MTA1: variants seen among roughly 807,000 people sequenced by gnomAD.
The protein encoded by MTA1 is metastasis-associated protein MTA1.
A neutral mutation model predicts 97.0 loss-of-function variants in MTA1; 15 were observed. The observed-to-expected ratio is 0.15, with a 90% CI of 0.10 to 0.24. MTA1 has a LOEUF of 0.24. Among genes scored for constraint, MTA1 ranks in the 10% least tolerant of loss-of-function variants. The pLI, the probability that MTA1 is intolerant of heterozygous loss-of-function variation, is 1.00. For missense variants in MTA1, 709 were observed against 1,015.1 expected (o/e 0.70, Z 4.10); for synonymous variants, 435 against 417.5 (o/e 1.04, Z -0.51).
intron 13 of MTA1, 95 bp from the exon 14 acceptor site, chr14:105,464,321 C>A: frequency 4.4e-6 from 4 of 903,586 alleles, no homozygotes; most frequent in East Asian, 5.8e-5. Context: ...GGGTGCCTGG[C>A]GGGTGGGGGC....
chr14:105,470,278 A>AGCCC lies in MTA1; in HGVS notation c.*67_*70dup. On this transcript the variant is annotated 3_prime_UTR_variant, in exon 21 of 21. Coordinates refer to ENST00000331320, the MANE Select transcript of MTA1 (RefSeq NM_004689.4). ...CCGCCCACACGGCCCCTTCCCAGCC[A>AGCCC]GCCCGCCGCCCGCCCCTCAGTTTGG... The AGCCC allele has an allele frequency of 1.7e-6, 2 of 1,180,592 alleles. No individual in the cohort carries two copies. Among genetic ancestry groups the AGCCC allele is most frequent in the African/African-American group, 2.9e-5 (1 of 34,444 alleles). 73.1% of individuals were successfully genotyped at this position (1,180,592 alleles called of 1,614,324 possible).
chr14:105,460,679 C>A lies in MTA1; in HGVS notation c.754-86C>A, dbSNP rs868948548. Reference sequence around the variant, plus strand: ...GCTGCTGGGCCTGCAGTAGGGGATCCTTGAGGTACTGAGGGAGGGGGTACC... The same window carrying A: ...GCTGCTGGGCCTGCAGTAGGGGATCATTGAGGTACTGAGGGAGGGGGTACC... On this transcript the variant is annotated intron_variant, in intron 9 of 20. Coordinates refer to ENST00000331320, the MANE Select transcript of MTA1 (RefSeq NM_004689.4). 4.3e-6 allele frequency: 6 copies of A among 1,396,874 alleles called. No homozygotes were observed. In the Middle Eastern group the frequency reaches 9.4e-4, roughly 220 times the overall value. 86.5% of individuals were successfully genotyped at this position (1,396,874 alleles called of 1,614,324 possible). A position where few individuals can be genotyped will look rare whatever the true frequency, so the allele number is the denominator to read the frequency against.
chr14:105,470,004 C>T lies in MTA1; in HGVS notation c.1997+12C>T, dbSNP rs1199316881. The stretch of plus-strand genomic sequence containing the variant: ...ACAGAGGAGACCAGGTGGGGCCTTC[C>T]CAGGGCAGGCGGGAGGGCTCCGCAC... On this transcript the variant is annotated intron_variant, in intron 20 of 20. Transcript: ENST00000331320. 1.9e-5 allele frequency: 30 copies of T among 1,612,344 alleles called. No individual in the cohort carries two copies. Among genetic ancestry groups the T allele is most frequent in the Non-Finnish European group, 2.3e-5 (27 of 1,179,826 alleles).
Position 105,460,791 on chromosome 14 carries a change from G to A in MTA1, c.780G>A (p.Lys260=). 6.2e-7 allele frequency: 1 copy of A among 1,601,828 alleles called. No homozygotes were observed. The highest frequency in any genetic ancestry group is 1.1e-5 in the South Asian group (1 of 89,820). Residue 260 remains lysine (K), a synonymous_variant, in exon 10 of 21, where the codon AAG becomes AAA. Coordinates refer to ENST00000331320, the MANE Select transcript of MTA1 (RefSeq NM_004689.4). ...TCCACGCCATGGATACTCTCCACAAGAACATCTACGACATCTCCAAGGCCA... is the reference window on the plus strand; with the variant it reads ...TCCACGCCATGGATACTCTCCACAAAAACATCTACGACATCTCCAAGGCCA... The part of the protein sequence containing the change: ...TLFHAMDTLH[K]NIYDISKAIS...
At chr14:105,460,684 G>A in intron 9 of MTA1, 81 bp from the exon 10 acceptor site, 3 of 1,408,240 alleles carry the variant, frequency 2.1e-6, no homozygotes, top group Non-Finnish European at 2.8e-6. Context: ...GGATCCTTGA[G>A]GTACTGAGGG....
chr14:105,456,873 G>A (rs143844654), intron 7 of MTA1, among the ~76,000 whole-genome samples: 17 of 152,314 alleles, frequency 1.1e-4, no homozygotes, highest in East Asian at 3.9e-4. Context: ...GGCTGACCCC[G>A]TCCTCTGAGT....
chr14:105,453,526 TCTG>T (rs1303766818), intron 6 of MTA1, among the ~76,000 whole-genome samples: 1 of 151,566 alleles, frequency 6.6e-6, no homozygotes, highest in Non-Finnish European at 1.5e-5. Flanking sequence ...GGAAAATAAG[TCTG>T]CTGGGCGCAG....
intron 1 of MTA1, among the ~76,000 whole-genome samples, chr14:105,423,607 C>T (rs1250619511): frequency 6.6e-6 from 1 of 152,192 alleles, no homozygotes; most frequent in Admixed American, 6.5e-5. Flanking sequence ...TGAAAGGATG[C>T]CAGAAAGCCC....
intron 2 of MTA1, among the ~76,000 whole-genome samples, chr14:105,442,076 C>T (rs1348137186): frequency 1.3e-5 from 2 of 152,170 alleles, no homozygotes; most frequent in African/African-American, 2.4e-5. Context: ...ATTGGTCCAA[C>T]GTCCAGTTAA....
In MTA1 at chr14:105,445,376, G is replaced by A. The variant is rs371796111; in HGVS notation, c.97-42G>A. ...CCCTCCTGGGAGCTGTGCAGCCCGG[G>A]TTTGGTCGCGTTTCTCAGACGCCCC... On this transcript the variant is annotated intron_variant, in intron 2 of 20. Coordinates refer to ENST00000331320, the MANE Select transcript of MTA1 (RefSeq NM_004689.4). The A allele has an allele frequency of 1.8e-5, 28 of 1,591,570 alleles. No individual in the cohort carries two copies. The African/African-American group carries it at 2.6e-4, about 14-fold the overall frequency.
rs1309455029 is a variant in MTA1, at chr14:105,470,320, G to A, written c.*105G>A. ...TCAGTTTGGTAGTGCCCCACCTCCC[G>A]CCCTCACCTGCAGAGAAACGCGCTC... On this transcript the variant is annotated 3_prime_UTR_variant, in exon 21 of 21. Transcript: ENST00000331320. 2.8e-5 allele frequency: 25 copies of A among 904,516 alleles called. No individual in the cohort carries two copies. The highest frequency in any genetic ancestry group is 1.3e-4 in the Admixed American group (2 of 15,920). 56.0% of individuals were successfully genotyped at this position (904,516 alleles called of 1,614,324 possible).
rs1353780354 is a variant in MTA1 at position 105,422,688 on chromosome 14, G to C, written c.28+2625G>C. ...TTATCTGACATTCACAGTTATCTGGGCAACCCGTATTTTAGCTGGCAGGCT... is the reference window on the plus strand; with the variant it reads ...TTATCTGACATTCACAGTTATCTGGCCAACCCGTATTTTAGCTGGCAGGCT... On this transcript the variant is annotated intron_variant, in intron 1 of 20. Transcript: ENST00000331320. The surrounding 1 kb of genome is among the most constrained non-coding windows in gnomAD (Gnocchi z 4.3). Among the ~76,000 whole-genome samples the C allele has an allele frequency of 1.3e-5, 2 of 152,220 alleles. No individual in the cohort carries two copies. The highest frequency in any genetic ancestry group is 2.9e-5 in the Non-Finnish European group (2 of 68,042).
chr14:105,448,238 A>G (rs1175643639), intron 3 of MTA1, among the ~76,000 whole-genome samples: 2 of 151,854 alleles, frequency 1.3e-5, no homozygotes, highest in African/African-American at 2.4e-5. Flanking sequence ...GAGGGTTCAG[A>G]GTGTGAGGGG....
At chr14:105,441,715 A>T (rs1002226130) in intron 2 of MTA1, among the ~76,000 whole-genome samples, 1 of 152,152 alleles carries the variant, frequency 6.6e-6, no homozygotes, top group African/African-American at 2.4e-5. Context: ...AATGGCGTGA[A>T]CCCGGGAGGT....
At chr14:105,429,561 C>T (rs1164235514) in intron 1 of MTA1, among the ~76,000 whole-genome samples, 1 of 151,652 alleles carries the variant, frequency 6.6e-6, no homozygotes, top group Non-Finnish European at 1.5e-5. Context: ...ACGCCATTCT[C>T]TTGCCTCAGC....
chr14:105,461,247 G>C (rs1464382652), intron 10 of MTA1, among the ~76,000 whole-genome samples: 2 of 152,212 alleles, frequency 1.3e-5, no homozygotes, highest in African/African-American at 4.8e-5. Flanking sequence ...ACGGAGGCCA[G>C]GGTATCCTCA....
At chr14:105,469,678 G>A (rs2083750947) in intron 19 of MTA1, 163 bp from the exon 20 acceptor site, 4 of 1,230,690 alleles carry the variant, frequency 3.3e-6, no homozygotes, top group Admixed American at 2.3e-5. Context: ...AGCGGTGTGC[G>A]GCCGACCAGC....
intron 6 of MTA1, 23 bp downstream of exon 6, chr14:105,450,347 C>G: frequency 6.3e-7 from 1 of 1,591,082 alleles, no homozygotes; most frequent in African/African-American, 1.3e-5. Flanking sequence ...CCGGCCTGGT[C>G]TGCCGCAGCC....
In MTA1 at chr14:105,469,501, A is replaced by T. The variant is rs187383621; in HGVS notation, c.1845+3A>T. The T allele has an allele frequency of 1.2e-6, 2 of 1,612,592 alleles. No individual in the cohort carries two copies. Among genetic ancestry groups the T allele is most frequent in the African/African-American group, 2.7e-5 (2 of 75,042 alleles). The stretch of plus-strand genomic sequence containing the variant: ...ACCACGGACAGGCCAGGCACATGGT[A>T]AGAGGAACAACCCATGATGGGGTAC... On this transcript the variant is annotated splice_donor_region_variant and intron_variant, in intron 19 of 20. Transcript: ENST00000331320.
Sources: gnomAD v4.1 joint callset for allele counts (sites outside exome capture counted in the v4.1 genomes callset) on GRCh38, gnomAD v4.1.1 for gene constraint, Gnocchi (gnomAD v3.1) non-coding constraint, MANE v1.5 for transcripts, NCBI Gene and HGNC (gene_info 2026-07-23, HGNC 2026-07-21) for gene names.